MRPS9: variants seen among roughly 807,000 people sequenced by gnomAD.
MRPS9 encodes mitochondrial ribosomal protein S9, also known as small ribosomal subunit protein uS9m.
Under a neutral mutation model 59.9 loss-of-function variants are expected in MRPS9, and 45 were observed. That is an observed-to-expected ratio of 0.75 (90% CI 0.59 to 0.96). The LOEUF is 0.96. Ranked by LOEUF, MRPS9 falls within the 40% of genes least tolerant of loss-of-function variation. MRPS9 has a pLI of 0.00. For missense variants in MRPS9, 473 were observed against 481.1 expected (o/e 0.98, Z 0.16); for synonymous variants, 171 against 166.8 (o/e 1.03, Z -0.19).
chr2:105,070,967 G>A (rs1328130861), intron 2 of MRPS9, among the ~76,000 whole-genome samples: 2 of 152,158 alleles, frequency 1.3e-5, no homozygotes, highest in Admixed American at 6.5e-5. Flanking sequence ...ATATGTGCAC[G>A]ACCAGCTGGG....
intron 2 of MRPS9, among the ~76,000 whole-genome samples, chr2:105,060,333 G>A (rs1679876395): frequency 6.6e-6 from 1 of 152,216 alleles, no homozygotes; most frequent in Non-Finnish European, 1.5e-5. Flanking sequence ...CCAGGCTGGA[G>A]TGTAGTGGTG....
intron 1 of MRPS9, among the ~76,000 whole-genome samples, chr2:105,040,936 T>C (rs1235802881): frequency 6.6e-6 from 1 of 152,206 alleles, no homozygotes; most frequent in African/African-American, 2.4e-5. Flanking sequence ...AAAGCTATTC[T>C]ATTCAAGGAA....
chr2:105,047,708 C>T (rs546385207), intron 1 of MRPS9, among the ~76,000 whole-genome samples: 8 of 152,160 alleles, frequency 5.3e-5, no homozygotes, highest in Non-Finnish European at 1.2e-4. Context: ...TTATTTCCAG[C>T]TACGGGATGC....
At chr2:105,099,638 G>A (rs1321693193) in intron 10 of MRPS9, 32 bp from the exon 11 acceptor site, 1 of 1,598,814 alleles carries the variant, frequency 6.3e-7, no homozygotes, top group Non-Finnish European at 8.5e-7. Context: ...GCATATTAAT[G>A]GTTCCTAAAG....
intron 3 of MRPS9, 39 bp downstream of exon 3, chr2:105,071,414 A>G: frequency 6.3e-7 from 1 of 1,584,572 alleles, no homozygotes; most frequent in South Asian, 1.1e-5. Flanking sequence ...TTTCACTTTT[A>G]TATGTTATGA....
intron 2 of MRPS9, among the ~76,000 whole-genome samples, chr2:105,063,613 T>C (rs975618167): frequency 4.6e-5 from 7 of 152,262 alleles, no homozygotes; most frequent in African/African-American, 1.7e-4. Context: ...GCAAACATCA[T>C]GATGCTTCAC....
intron 2 of MRPS9, among the ~76,000 whole-genome samples, chr2:105,052,367 G>A (rs1324700269): frequency 1.3e-5 from 2 of 152,118 alleles, no homozygotes; most frequent in Non-Finnish European, 2.9e-5. Flanking sequence ...GATATTGTCA[G>A]ATGCTTTTCC....
intron 2 of MRPS9, among the ~76,000 whole-genome samples, chr2:105,060,306 G>A (rs1679875580): frequency 6.6e-6 from 1 of 152,168 alleles, no homozygotes; most frequent in South Asian, 2.1e-4. Context: ...TTTTGAGACA[G>A]AGTCTTGCTC....
intron 9 of MRPS9, among the ~76,000 whole-genome samples, chr2:105,095,689 G>A (rs1472216587): frequency 3.3e-5 from 5 of 151,524 alleles, no homozygotes; most frequent in Admixed American, 6.6e-5. Context: ...TAGAGACGGC[G>A]TTTCTCCATG....
rs550585320 is a variant in MRPS9 at position 105,090,103 on chromosome 2, C to T, written c.651+108C>T. 5.6e-5 allele frequency: 29 copies of T among 521,558 alleles called. 1 individual carries two copies. In the East Asian group the frequency reaches 9.1e-4, roughly 16 times the overall value. 32.3% of individuals were successfully genotyped at this position (521,558 alleles called of 1,614,324 possible). On this transcript the variant is annotated intron_variant, in intron 7 of 10. Transcript: ENST00000258455. ...TGTTCCTCAGAGGCAGGTGTTCCTA[C>T]GATGACTTTTCTTTCTTTCTTTAAA...
chr2:105,069,582 G>C (rs566489005), intron 2 of MRPS9, among the ~76,000 whole-genome samples: 11 of 152,228 alleles, frequency 7.2e-5, no homozygotes, highest in African/African-American at 2.6e-4. Context: ...CCATTGCTTA[G>C]TTATAAAGGA....
intron 5 of MRPS9, among the ~76,000 whole-genome samples, chr2:105,087,798 T>TCC (rs1558762069): frequency 4.2e-5 from 6 of 143,498 alleles, no homozygotes; most frequent in Non-Finnish European, 7.8e-5. Context: ...CCTCCTGCCT[T>TCC]TTTTCCTTCC....
At chr2:105,082,109 C>A (rs1213009061) in intron 5 of MRPS9, among the ~76,000 whole-genome samples, 1 of 152,190 alleles carries the variant, frequency 6.6e-6, no homozygotes, top group Non-Finnish European at 1.5e-5. Context: ...GTGGGGGGAA[C>A]CGTCCCCTTC....
At chr2:105,078,176 A>G (rs1680252048) in intron 4 of MRPS9, among the ~76,000 whole-genome samples, 1 of 136,536 alleles carries the variant, frequency 7.3e-6, no homozygotes, top group African/African-American at 2.8e-5. Context: ...TTAATGTCTG[A>G]CAGCAGGGAA....
chr2:105,038,321 A>G (rs904454380), intron 1 of MRPS9, 94 bp downstream of exon 1: 3 of 1,494,532 alleles, frequency 2.0e-6, no homozygotes, highest in Admixed American at 2.0e-5. Context: ...GCGTGCCTTC[A>G]GGCAGGGACT....
chr2:105,089,281 G>A (rs900008417), intron 6 of MRPS9, among the ~76,000 whole-genome samples: 12 of 152,170 alleles, frequency 7.9e-5, no homozygotes, highest in Non-Finnish European at 1.5e-4. Flanking sequence ...AGATTTATAT[G>A]TGATAGAATA....
rs58438490 is a variant in MRPS9 at position 105,084,247 on chromosome 2, AATATATATAT to A, written c.489+4198_489+4207del. Among the ~76,000 whole-genome samples the A allele has an allele frequency of 2.7e-3, 374 of 139,602 alleles. 2 individuals carry two copies. The highest frequency in any genetic ancestry group is 4.3e-3 in the Non-Finnish European group (279 of 64,952). 91.6% of individuals were successfully genotyped at this position (139,602 alleles called of 152,430 possible). A position where few individuals can be genotyped will look rare whatever the true frequency, so the allele number is the denominator to read the frequency against. On this transcript the variant is annotated intron_variant, in intron 5 of 10. Coordinates refer to ENST00000258455, the MANE Select transcript of MRPS9 (RefSeq NM_182640.3). ...TGGCCACAGATGAAATATATACCAA[AATATATATAT>A]ATATATATATATGTAAAATGAAGGG...
intron 4 of MRPS9, among the ~76,000 whole-genome samples, chr2:105,078,170 T>C (rs550167756): frequency 6.8e-6 from 1 of 146,204 alleles, no homozygotes; most frequent in East Asian, 2.0e-4. Context: ...CAAATTTTAA[T>C]GTCTGACAGC....
In MRPS9 at chr2:105,065,916, A is replaced by G. The variant is rs1050985716; in HGVS notation, c.316-5397A>G. On this transcript the variant is annotated intron_variant, in intron 2 of 10. Transcript: ENST00000258455. ...ACATAATTTTTTTTCATAGCCAGGT[A>G]GTCCTTTGTTTGCTTCAGAATTTGT... 3.3e-5 allele frequency among the ~76,000 whole-genome samples: 5 copies of G among 152,110 alleles called. No homozygotes were observed. In the East Asian group the frequency reaches 9.6e-4, roughly 29 times the overall value.
Sources: allele counts gnomAD v4.1 joint callset (sites outside exome capture counted in the v4.1 genomes callset), GRCh38; gene constraint gnomAD v4.1.1; transcripts MANE v1.5; gene names NCBI Gene and HGNC (gene_info 2026-07-23, HGNC 2026-07-21).